ADARB2: variants seen among roughly 807,000 people sequenced by gnomAD.
The protein encoded by ADARB2 is inactive double-stranded RNA-specific editase B2.
In ADARB2, 25 loss-of-function variants were observed where a neutral mutation model predicts 62.2. That is an observed-to-expected ratio of 0.40 (90% CI 0.29 to 0.56). The LOEUF (loss-of-function observed/expected upper bound fraction) is 0.56, where lower values mean the gene tolerates loss of function less well. Among genes scored for constraint, ADARB2 ranks in the 20% least tolerant of loss-of-function variants. The pLI is 0.43. For missense variants in ADARB2, 1,071 were observed against 1,077.4 expected, an observed-to-expected ratio of 0.99 and a Z score of 0.08; for synonymous variants, 572 against 500.8, an observed-to-expected ratio of 1.14 and a Z score of -1.90.
rs17156855 is a variant in ADARB2, at chr10:1,722,884, C to G, written c.100+14167G>C. 0.012 allele frequency among the ~76,000 whole-genome samples: 1,837 copies of G among 152,318 alleles called. 90 individuals are homozygous for G. The East Asian group carries it at 0.15, about 13-fold the overall frequency. On this transcript the variant is annotated intron_variant, in intron 1 of 9. Coordinates refer to ENST00000381312, the MANE Select transcript of ADARB2 (RefSeq NM_018702.4). Reference sequence around the variant, plus strand: ...TGTATTACTTAAGCAAGCAAAAGCACAGTGGAGTGTGCCTATACATACGTG... The same window carrying G: ...TGTATTACTTAAGCAAGCAAAAGCAGAGTGGAGTGTGCCTATACATACGTG...
chr10:1,434,778 T>C (rs1309746226), intron 1 of ADARB2, among the ~76,000 whole-genome samples: 4 of 152,216 alleles, frequency 2.6e-5, no homozygotes, highest in African/African-American at 9.7e-5. Flanking sequence ...AAGAAGTTCA[T>C]CACTTATGTC....
intron 1 of ADARB2, among the ~76,000 whole-genome samples, chr10:1,717,182 T>C (rs12267140): frequency 0.044 from 6,387 of 145,148 alleles, 368 homozygotes; most frequent in African/African-American, 0.13. Context: ...TTTTTGCTTT[T>C]TGTTTTTAAA....
At chr10:1,604,346 C>T (rs1247752002) in intron 1 of ADARB2, among the ~76,000 whole-genome samples, 2 of 152,090 alleles carry the variant, frequency 1.3e-5, no homozygotes, top group African/African-American at 2.4e-5. Context: ...GATGTCGACC[C>T]GACGTTGACT....
chr10:1,492,174 G>A (rs1467079804), intron 1 of ADARB2, among the ~76,000 whole-genome samples: 2 of 152,222 alleles, frequency 1.3e-5, no homozygotes, highest in African/African-American at 4.8e-5. Context: ...GCGCCACACA[G>A]AGAAGTAAAA....
At chr10:1,291,286 CCT>C (rs747990310) in intron 3 of ADARB2, 7 of 152,218 alleles carry the variant, frequency 4.6e-5, no homozygotes, top group Non-Finnish European at 7.3e-5. Flanking sequence ...TGACTTTGCC[CCT>C]GAGTCTTTCC....
intron 3 of ADARB2, among the ~76,000 whole-genome samples, chr10:1,277,193 A>C (rs1831325675): frequency 6.6e-6 from 1 of 152,250 alleles, no homozygotes; most frequent in Admixed American, 6.5e-5. Context: ...CACAATGAAA[A>C]GAACTAGAGA....
chr10:1,311,627 TG>T (rs1564253992), intron 3 of ADARB2, among the ~76,000 whole-genome samples: 1 of 152,104 alleles, frequency 6.6e-6, no homozygotes, highest in Non-Finnish European at 1.5e-5. Context: ...ACCACACAGA[TG>T]AAGACCCTGA....
chr10:1,505,712 TCCCCATGCCCGTGGTTCTGCCACTCCC>T (rs1831838057), intron 1 of ADARB2, among the ~76,000 whole-genome samples: 1 of 149,044 alleles, frequency 6.7e-6, no homozygotes, highest in Non-Finnish European at 1.5e-5. Flanking sequence ...GGCAGCCGCC[TCCCCATGCCCGTGGTTCTGCCACTCCC>T]GTCCCCACCA....
chr10:1,637,871 CA>C (rs1356966744), intron 1 of ADARB2, among the ~76,000 whole-genome samples: 2 of 152,200 alleles, frequency 1.3e-5, no homozygotes, highest in African/African-American at 2.4e-5. Context: ...ACACTAGTAT[CA>C]GGGGTGCTGA....
At chr10:1,678,994 G>A (rs941990184) in intron 1 of ADARB2, among the ~76,000 whole-genome samples, 7 of 152,216 alleles carry the variant, frequency 4.6e-5, no homozygotes, top group Non-Finnish European at 7.3e-5. Flanking sequence ...ATGCAGACAT[G>A]AGCGAGTGAG....
intron 1 of ADARB2, among the ~76,000 whole-genome samples, chr10:1,627,827 C>T (rs1588329417): frequency 1.3e-5 from 2 of 152,304 alleles, no homozygotes; most frequent in Middle Eastern, 3.4e-3. Context: ...GACACAGCCT[C>T]GTAGAGATCA....
chr10:1,207,876 C>A (rs1210476591), intron 7 of ADARB2, among the ~76,000 whole-genome samples: 3 of 152,184 alleles, frequency 2.0e-5, no homozygotes, highest in Non-Finnish European at 4.4e-5. Context: ...GCTAAAAGCA[C>A]CTCTGCAGTT....
chr10:1,581,732 G>C (rs1588311182), intron 1 of ADARB2, among the ~76,000 whole-genome samples: 2 of 152,152 alleles, frequency 1.3e-5, no homozygotes, highest in East Asian at 3.9e-4. Flanking sequence ...ACAGATGAGA[G>C]AACACACTCA....
intron 4 of ADARB2, among the ~76,000 whole-genome samples, chr10:1,259,844 C>T (rs1212243863): frequency 6.6e-6 from 1 of 151,982 alleles, no homozygotes; most frequent in Non-Finnish European, 1.5e-5. Context: ...AGAGACACAA[C>T]AAAAAAAGAG....
chr10:1,552,406 G>T (rs567248417), intron 1 of ADARB2, among the ~76,000 whole-genome samples: 1 of 152,330 alleles, frequency 6.6e-6, no homozygotes, highest in South Asian at 2.1e-4. Context: ...GTGAAGAGAA[G>T]TGGGAGGCAC....
At chr10:1,325,583 G>T (rs185950895) in intron 3 of ADARB2, among the ~76,000 whole-genome samples, 1,984 of 151,034 alleles carry the variant, frequency 0.013, 51 homozygotes, top group African/African-American at 0.046. Context: ...CTCAGGAAAA[G>T]AAATAAGAAA....
At chr10:1,574,953 G>A (rs1292253865) in intron 1 of ADARB2, among the ~76,000 whole-genome samples, 6 of 33,132 alleles carry the variant, frequency 1.8e-4, no homozygotes, top group South Asian at 7.8e-4. Flanking sequence ...CAGGGGCAGC[G>A]ATTCAGGGGC....
In ADARB2 at chr10:1,632,791, C is replaced by T. The variant is rs564116087; in HGVS notation, c.100+104260G>A. On this transcript the variant is annotated intron_variant, in intron 1 of 9. Coordinates refer to ENST00000381312, the MANE Select transcript of ADARB2 (RefSeq NM_018702.4). ...CATCTGCACACTCGTTCCAAGTTAGCGTGACATGCTGTAAAGGCTCATCTT... is the reference window on the plus strand; with the variant it reads ...CATCTGCACACTCGTTCCAAGTTAGTGTGACATGCTGTAAAGGCTCATCTT... Among the ~76,000 whole-genome samples the T allele has an allele frequency of 1.3e-3, 195 of 152,312 alleles. 4 individuals are homozygous for T. Among genetic ancestry groups the T allele is most frequent in the Middle Eastern group, 3.4e-3 (1 of 294 alleles).
intron 3 of ADARB2, chr10:1,293,027 G>C (rs1244802191): frequency 1.2e-4 from 4 of 32,956 alleles, no homozygotes; most frequent in African/African-American, 4.1e-4. Flanking sequence ...GGGAGAGAGA[G>C]GGACACAGGA....
Sources: gnomAD v4.1 joint callset for allele counts (sites outside exome capture counted in the v4.1 genomes callset) on GRCh38, gnomAD v4.1.1 for gene constraint, MANE v1.5 for transcripts, NCBI Gene and HGNC (gene_info 2026-07-23, HGNC 2026-07-21) for gene names.